CSMD2: variants seen among roughly 807,000 people sequenced by gnomAD.
CSMD2 encodes CUB and Sushi multiple domains 2, also known as CUB and sushi domain-containing protein 2.
CSMD2 carries 130 observed loss-of-function variants against 398.5 expected under a neutral mutation model. The ratio of observed to expected loss-of-function variants is 0.33; its 90% CI spans 0.28 to 0.38. The LOEUF is 0.38. CSMD2 is among the 10% of genes least tolerant of loss of function. CSMD2 has a pLI of 1.00. For synonymous variants in CSMD2, 1,828 were observed against 1,908.5 expected, an observed-to-expected ratio of 0.96 and a Z score of 1.10; for missense variants, 3,829 against 4,764.9, an observed-to-expected ratio of 0.80 and a Z score of 5.78.
chr1:33,570,724 A>C (rs1201191646), intron 51 of CSMD2, among the ~76,000 whole-genome samples: 1 of 152,122 alleles, frequency 6.6e-6, no homozygotes, highest in African/African-American at 2.4e-5. Flanking sequence ...GCTGTGGTTG[A>C]GGAGTCCTCC....
chr1:33,924,561 T>C (rs867514573), intron 4 of CSMD2, among the ~76,000 whole-genome samples: 1 of 152,304 alleles, frequency 6.6e-6, no homozygotes, highest in Middle Eastern at 3.4e-3. Flanking sequence ...TACTCAGTAG[T>C]GGAATTGCTT....
intron 62 of CSMD2, among the ~76,000 whole-genome samples, chr1:33,536,793 C>T (rs919247980): frequency 6.6e-6 from 1 of 152,244 alleles, no homozygotes. Context: ...GAACTGCACG[C>T]CATCTGTCCT....
At chr1:33,768,654 A>AGGGCCATTTCCCACAGCATCTCTGT (rs980504403) in intron 13 of CSMD2, among the ~76,000 whole-genome samples, 16 of 151,720 alleles carry the variant, frequency 1.1e-4, no homozygotes, top group South Asian at 2.1e-4. Context: ...GAGGGCCAGT[A>AGGGCCATTTCCCACAGCATCTCTGT]GGGCCATTTC....
intron 1 of CSMD2, among the ~76,000 whole-genome samples, chr1:34,120,951 T>G (rs548390826): frequency 1.2e-4 from 18 of 152,352 alleles, no homozygotes; most frequent in African/African-American, 3.8e-4. Context: ...CTGCTTTATT[T>G]TTTTTAGGAG....
chr1:33,836,530 C>T lies in CSMD2; in HGVS notation c.1033+10354G>A, dbSNP rs182383830. Among the ~76,000 whole-genome samples the T allele has an allele frequency of 4.2e-4, 64 of 152,308 alleles. 1 individual carries two copies. In the East Asian group the frequency reaches 9.1e-3, roughly 22 times the overall value. ...CTTCACCCAGTTCGAGCTTCCCAGC[C>T]GCTTTGTTTACCTACTCAAGCCTCA... On this transcript the variant is annotated intron_variant, in intron 6 of 70. Coordinates refer to ENST00000373381, the MANE Select transcript of CSMD2 (RefSeq NM_001281956.2).
chr1:33,911,366 A>C (rs1206760570), intron 5 of CSMD2, among the ~76,000 whole-genome samples: 1 of 152,214 alleles, frequency 6.6e-6, no homozygotes, highest in Non-Finnish European at 1.5e-5. Context: ...ATGGCTCTTA[A>C]ATGAGATATC....
chr1:33,988,921 G>A (rs1202042564), intron 3 of CSMD2, among the ~76,000 whole-genome samples: 1 of 150,686 alleles, frequency 6.6e-6, no homozygotes, highest in Non-Finnish European at 1.5e-5. Flanking sequence ...ATACAACTGA[G>A]TGTATATACA....
intron 12 of CSMD2, among the ~76,000 whole-genome samples, chr1:33,785,308 A>G (rs1275919812): frequency 3.9e-5 from 6 of 152,142 alleles, no homozygotes. Context: ...TACTTGGTCT[A>G]TTTGACTGGG....
intron 25 of CSMD2, among the ~76,000 whole-genome samples, chr1:33,666,868 C>G (rs577627480): frequency 2.0e-4 from 31 of 152,150 alleles, no homozygotes; most frequent in Non-Finnish European, 4.0e-4. Flanking sequence ...TGTGGCTGTA[C>G]GTGCTCTCAG....
intron 57 of CSMD2, among the ~76,000 whole-genome samples, chr1:33,545,614 C>T (rs1025301478): frequency 2.6e-5 from 4 of 152,142 alleles, no homozygotes; most frequent in Admixed American, 1.3e-4. Flanking sequence ...TAACAACTTC[C>T]CAAGACCCCA....
At chr1:33,841,257 G>C (rs78633555) in intron 6 of CSMD2, among the ~76,000 whole-genome samples, 5,466 of 152,268 alleles carry the variant, frequency 0.036, 343 homozygotes, top group African/African-American at 0.12. Flanking sequence ...CAAAGAGCAG[G>C]TGTCTAAGGG....
chr1:33,926,746 G>A (rs1412246074), intron 4 of CSMD2, among the ~76,000 whole-genome samples: 2 of 152,160 alleles, frequency 1.3e-5, no homozygotes, highest in Non-Finnish European at 2.9e-5. Context: ...ATATTCTCAG[G>A]TGCAGGTGTG....
chr1:34,123,938 C>G lies in CSMD2; in HGVS notation c.188-34745G>C, dbSNP rs1262601867. On this transcript the variant is annotated intron_variant, in intron 1 of 70. Transcript: ENST00000373381. Reference sequence around the variant, plus strand: ...GAACACAGGCAGCTTAGGTCCAGAACCCATGGGTTTAACCACTACACTGTA... The same window carrying G: ...GAACACAGGCAGCTTAGGTCCAGAAGCCATGGGTTTAACCACTACACTGTA... 5.9e-5 allele frequency among the ~76,000 whole-genome samples: 9 copies of G among 152,286 alleles called. No individual in the cohort carries two copies. The South Asian group carries it at 1.5e-3, about 25-fold the overall frequency.
At position 33,653,557 on chromosome 1, in the gene CSMD2, C is replaced by T. The variant is rs374288312; in HGVS notation, c.4448-1096G>A. Among the ~76,000 whole-genome samples the T allele has an allele frequency of 9.9e-5, 15 of 152,264 alleles. No individual in the cohort carries two copies. In the South Asian group the frequency reaches 3.1e-3, roughly 32 times the overall value. On this transcript the variant is annotated intron_variant, in intron 27 of 70. Coordinates refer to ENST00000373381, the MANE Select transcript of CSMD2 (RefSeq NM_001281956.2). ...CCCAATCAGTCTACGTGGTCGCCCT[C>T]CCCTGAGATGACAGGTCTCTCAAGC...
intron 28 of CSMD2, among the ~76,000 whole-genome samples, chr1:33,647,820 G>A (rs1010124724): frequency 1.3e-5 from 2 of 152,212 alleles, no homozygotes; most frequent in Admixed American, 1.3e-4. Flanking sequence ...CTTGTTTCAC[G>A]AAGGGAGGGG....
intron 5 of CSMD2, among the ~76,000 whole-genome samples, chr1:33,848,219 G>C (rs1056263726): frequency 6.6e-6 from 1 of 152,228 alleles, no homozygotes; most frequent in Non-Finnish European, 1.5e-5. Context: ...TGGCAACTGA[G>C]GGACTTGTTA....
intron 45 of CSMD2, among the ~76,000 whole-genome samples, chr1:33,586,875 AC>A (rs1639116249): frequency 6.6e-6 from 1 of 152,232 alleles, no homozygotes; most frequent in South Asian, 2.1e-4. Context: ...GCTGACTTGA[AC>A]CAAAAAAAGA....
Position 33,724,650 on chromosome 1 carries a change from T to C in CSMD2, c.2750A>G (p.Gln917Arg), listed in dbSNP as rs770562013. The C allele has an allele frequency of 2.2e-5, 36 of 1,614,194 alleles. No individual in the cohort carries two copies. The East Asian group carries it at 7.8e-4, about 35-fold the overall frequency. Residue 917 changes from glutamine (Q) to arginine (R), a missense_variant, in exon 18 of 71, where the codon CAG becomes CGG. Gln to Arg is a conservative substitution (Grantham distance 43). Around this residue, in one of 5 missense-constraint regions of CSMD2, gnomAD observed 2,001 missense variants for 2,567.1 expected, o/e 0.78. Coordinates refer to ENST00000373381, the MANE Select transcript of CSMD2 (RefSeq NM_001281956.2). ...CACGTAGAAGTCATTCCCATGACGC[T>C]GTCCATTTACTGGGATTCCTGGATC... is the stretch of plus-strand genomic sequence containing the variant. ...CLDPGIPVNG[Q>R]RHGNDFYVGA...
chr1:33,857,491 G>A (rs1639182819), intron 5 of CSMD2, among the ~76,000 whole-genome samples: 1 of 152,114 alleles, frequency 6.6e-6, no homozygotes, highest in Non-Finnish European at 1.5e-5. Context: ...ATGCTACAAA[G>A]GCCCTCTCTC....
Sources: allele counts gnomAD v4.1 joint callset (sites outside exome capture counted in the v4.1 genomes callset), GRCh38; gene constraint gnomAD v4.1.1; regional missense constraint gnomAD v4.1.1; transcripts MANE v1.5; gene names NCBI Gene and HGNC (gene_info 2026-07-23, HGNC 2026-07-21).